ZBTB7C: variants seen among roughly 807,000 people sequenced by gnomAD.
The protein encoded by ZBTB7C is zinc finger and BTB domain containing 7C.
ZBTB7C carries 8 observed loss-of-function variants against 25.7 expected under a neutral mutation model. The observed-to-expected ratio is 0.31, with a 90% CI of 0.18 to 0.56. ZBTB7C has a LOEUF of 0.56. Among genes scored for constraint, ZBTB7C ranks in the 20% least tolerant of loss-of-function variants. The pLI, the probability that ZBTB7C is intolerant of heterozygous loss-of-function variation, is 0.91. For missense variants in ZBTB7C, 824 were observed against 855.2 expected, an observed-to-expected ratio of 0.96 and a Z score of 0.46; for synonymous variants, 394 against 369.0, an observed-to-expected ratio of 1.07 and a Z score of -0.78.
intron 3 of ZBTB7C, chr18:48,185,362 C>G (rs576852574): frequency 2.2e-6 from 1 of 445,258 alleles, no homozygotes; most frequent in Non-Finnish European, 4.5e-6. Flanking sequence ...CAGGTGTCTT[C>G]TCTTCCTGAA....
intron 2 of ZBTB7C, among the ~76,000 whole-genome samples, chr18:48,324,901 G>C (rs553455478): frequency 6.6e-6 from 1 of 152,272 alleles, no homozygotes; most frequent in African/African-American, 2.4e-5. Context: ...AGAGTCCAGA[G>C]GCATTAACAC....
intron 3 of ZBTB7C, among the ~76,000 whole-genome samples, chr18:48,153,249 T>C (rs936177866): frequency 3.9e-5 from 6 of 152,248 alleles, no homozygotes; most frequent in Non-Finnish European, 8.8e-5. Context: ...AAAGGCTTTA[T>C]AGTCATTTTC....
chr18:48,338,018 C>T (rs1020503477), intron 2 of ZBTB7C, among the ~76,000 whole-genome samples, 156 bp downstream of exon 2: 1 of 152,218 alleles, frequency 6.6e-6, no homozygotes, highest in Non-Finnish European at 1.5e-5. Context: ...AAACTAATAA[C>T]TATAAAGCAT....
At chr18:48,070,628 G>T (rs2037507925) in intron 3 of ZBTB7C, among the ~76,000 whole-genome samples, 1 of 152,208 alleles carries the variant, frequency 6.6e-6, no homozygotes, top group Admixed American at 6.5e-5. Flanking sequence ...GCCGTAGTTT[G>T]CATCCACACT....
intron 2 of ZBTB7C, among the ~76,000 whole-genome samples, chr18:48,232,195 T>C (rs544601936): frequency 1.3e-5 from 2 of 152,178 alleles, no homozygotes; most frequent in South Asian, 4.2e-4. Context: ...ACTCCAAGGA[T>C]CCTGAGACAA....
intron 3 of ZBTB7C, among the ~76,000 whole-genome samples, chr18:48,137,891 C>G (rs2040224864): frequency 1.3e-5 from 2 of 152,272 alleles, no homozygotes; most frequent in African/African-American, 4.8e-5. Flanking sequence ...TTCCTTCAAA[C>G]CTCACACAAA....
chr18:48,263,707 A>C (rs1315632541), intron 2 of ZBTB7C, among the ~76,000 whole-genome samples: 9 of 152,084 alleles, frequency 5.9e-5, no homozygotes, highest in African/African-American at 1.9e-4. Context: ...AAAAAAAAAA[A>C]AACTCAGCAG....
At chr18:48,348,899 C>T (rs1350842540) in intron 1 of ZBTB7C, among the ~76,000 whole-genome samples, 1 of 152,196 alleles carries the variant, frequency 6.6e-6, no homozygotes, top group African/African-American at 2.4e-5. Context: ...TGGGGAGGGC[C>T]GGTTTCCAAG....
chr18:48,216,189 A>G (rs1461264277), intron 2 of ZBTB7C, among the ~76,000 whole-genome samples: 1 of 152,134 alleles, frequency 6.6e-6, no homozygotes, highest in Non-Finnish European at 1.5e-5. Flanking sequence ...GCCATGGGGC[A>G]CTCACTACCA....
At position 48,027,783 on chromosome 18, in the gene ZBTB7C, G is replaced by A. The variant is rs1184008817; in HGVS notation, c.*1477C>T. On this transcript the variant is annotated 3_prime_UTR_variant, in exon 5 of 5. Transcript: ENST00000590800. ...TGGGGACGAACCCTCCTCCTCTCTGGGCTGCTCAGAAACCAAAGCAAACTT... is the reference window on the plus strand; with the variant it reads ...TGGGGACGAACCCTCCTCCTCTCTGAGCTGCTCAGAAACCAAAGCAAACTT... 6.6e-6 allele frequency: 1 copy of A among 152,306 alleles called. No homozygotes were observed. The highest frequency in any genetic ancestry group is 1.5e-5 in the Non-Finnish European group (1 of 68,116). 9.4% of individuals were successfully genotyped at this position (152,306 alleles called of 1,614,324 possible).
chr18:48,079,916 G>C (rs1412263231), intron 3 of ZBTB7C, among the ~76,000 whole-genome samples: 1 of 152,256 alleles, frequency 6.6e-6, no homozygotes, highest in Non-Finnish European at 1.5e-5. Flanking sequence ...CAGTGGGCAA[G>C]TGCCCAGGGA....
intron 3 of ZBTB7C, among the ~76,000 whole-genome samples, chr18:48,054,657 C>T (rs888175717): frequency 2.0e-5 from 3 of 152,186 alleles, no homozygotes; most frequent in African/African-American, 4.8e-5. Context: ...CAAACGCCGT[C>T]CACCACGAGA....
intron 2 of ZBTB7C, among the ~76,000 whole-genome samples, chr18:48,201,034 C>T (rs936275913): frequency 6.6e-6 from 1 of 152,180 alleles, no homozygotes; most frequent in Admixed American, 6.5e-5. Flanking sequence ...ATCGCACCTG[C>T]GCAGGTGAAC....
chr18:48,161,731 C>G (rs1182265669), intron 3 of ZBTB7C, among the ~76,000 whole-genome samples: 1 of 150,784 alleles, frequency 6.6e-6, no homozygotes, highest in African/African-American at 2.4e-5. Context: ...CCCAGCCCCG[C>G]CCCGCTCCGG....
intron 3 of ZBTB7C, 69 bp from the exon 4 acceptor site, chr18:48,041,192 ACT>A (rs1194891521): frequency 1.3e-6 from 2 of 1,491,296 alleles, no homozygotes; most frequent in Non-Finnish European, 1.8e-6. Context: ...CAACTCTAGG[ACT>A]CTGAGCCACC....
At chr18:48,111,808 C>CA (rs1211708732) in intron 3 of ZBTB7C, among the ~76,000 whole-genome samples, 1 of 151,498 alleles carries the variant, frequency 6.6e-6, no homozygotes, top group Non-Finnish European at 1.5e-5. Flanking sequence ...AGCCAGTGAG[C>CA]AAAAAAAGGG....
intron 2 of ZBTB7C, among the ~76,000 whole-genome samples, chr18:48,310,321 T>C (rs1383155867): frequency 6.6e-6 from 1 of 152,044 alleles, no homozygotes; most frequent in African/African-American, 2.4e-5. Context: ...AGCTTTCCTT[T>C]CTCGTCTCTC....
chr18:48,392,512 G>A (rs2047925667), intron 1 of ZBTB7C, among the ~76,000 whole-genome samples: 1 of 152,162 alleles, frequency 6.6e-6, no homozygotes, highest in African/African-American at 2.4e-5. Context: ...ACTGGATAAA[G>A]GCCAAAGTTA....
At chr18:48,188,526 C>A (rs2145145203) in intron 2 of ZBTB7C, among the ~76,000 whole-genome samples, 1 of 152,308 alleles carries the variant, frequency 6.6e-6, no homozygotes, top group South Asian at 2.1e-4. Flanking sequence ...ATGGGAGTTA[C>A]AATTCAAGAT....
Sources: allele counts gnomAD v4.1 joint callset (sites outside exome capture counted in the v4.1 genomes callset), GRCh38; gene constraint gnomAD v4.1.1; transcripts MANE v1.5; gene names NCBI Gene and HGNC (gene_info 2026-07-23, HGNC 2026-07-21).